ENTREP2: variants seen among roughly 807,000 people sequenced by gnomAD.
The protein encoded by ENTREP2 is endosomal transmembrane epsin interactor 2.
the ENTREP2 span, among the ~76,000 whole-genome samples, chr15:29,346,286 A>T: frequency 2.1e-4 from 32 of 152,144 alleles, no homozygotes; most frequent in East Asian, 6.0e-3. Flanking sequence ...ATGCTCTGAG[A>T]GAGAGGGTTT....
At chr15:29,148,843 C>A in the ENTREP2 span, among the ~76,000 whole-genome samples, 2 of 151,800 alleles carry the variant, frequency 1.3e-5, no homozygotes, top group Middle Eastern at 3.4e-3. Context: ...ACTTGTCAAG[C>A]AATGTGTATG....
At chr15:29,158,498 C>T in the ENTREP2 span, among the ~76,000 whole-genome samples, 5 of 151,116 alleles carry the variant, frequency 3.3e-5, no homozygotes, top group South Asian at 2.1e-4. Flanking sequence ...CTCCACCTCC[C>T]GGGTTCAAGG....
chr15:29,194,129 G>A, the ENTREP2 span, among the ~76,000 whole-genome samples: 2 of 152,176 alleles, frequency 1.3e-5, no homozygotes, highest in Admixed American at 1.3e-4. Context: ...AAATTTATAT[G>A]GAATTACAAA....
At chr15:29,130,254 A>G in the ENTREP2 span, among the ~76,000 whole-genome samples, 1 of 151,910 alleles carries the variant, frequency 6.6e-6, no homozygotes, top group Non-Finnish European at 1.5e-5. Context: ...GGTCCATACT[A>G]TTTTTCTTCC....
At chr15:29,139,048 G>A in the ENTREP2 span, among the ~76,000 whole-genome samples, 32 of 152,248 alleles carry the variant, frequency 2.1e-4, no homozygotes, top group East Asian at 5.8e-4. Flanking sequence ...CTGGAGCTGC[G>A]TGGTAGGAGG....
chr15:29,125,809 G>T, the ENTREP2 span, among the ~76,000 whole-genome samples: 1 of 152,198 alleles, frequency 6.6e-6, no homozygotes, highest in African/African-American at 2.4e-5. Context: ...AGACACAGTC[G>T]CATGGGGCGA....
At chr15:29,621,179 G>T in the ENTREP2 span, among the ~76,000 whole-genome samples, 267 of 151,948 alleles carry the variant, frequency 1.8e-3, 2 homozygotes, top group African/African-American at 5.8e-3. Flanking sequence ...CACAAGGTCA[G>T]GAGATCAAGA....
At chr15:29,233,114 C>A in the ENTREP2 span, among the ~76,000 whole-genome samples, 1 of 152,164 alleles carries the variant, frequency 6.6e-6, no homozygotes, top group Non-Finnish European at 1.5e-5. Flanking sequence ...TTTCATCAGG[C>A]TCTATTCAAG....
At chr15:29,643,794 A>AG in the ENTREP2 span, among the ~76,000 whole-genome samples, 9 of 150,542 alleles carry the variant, frequency 6.0e-5, no homozygotes, top group Admixed American at 6.6e-5. Flanking sequence ...AAAAAAAAAA[A>AG]AAAAGAAAGA....
At chr15:29,599,734 T>C in the ENTREP2 span, among the ~76,000 whole-genome samples, 2 of 152,234 alleles carry the variant, frequency 1.3e-5, no homozygotes, top group African/African-American at 4.8e-5. Context: ...CCATTTACCC[T>C]GCAAGATGAT....
the ENTREP2 span, among the ~76,000 whole-genome samples, chr15:29,414,852 C>G: frequency 6.6e-6 from 1 of 152,150 alleles, no homozygotes; most frequent in Non-Finnish European, 1.5e-5. Flanking sequence ...AAACTACCAT[C>G]AGAGAATACT....
chr15:29,542,042 C>G, the ENTREP2 span, among the ~76,000 whole-genome samples: 35 of 152,294 alleles, frequency 2.3e-4, 1 homozygote, highest in African/African-American at 7.5e-4. Context: ...GAGAGTCTCG[C>G]TCTTTTGCCA....
chr15:29,448,838 A>G, the ENTREP2 span, among the ~76,000 whole-genome samples: 2 of 152,216 alleles, frequency 1.3e-5, no homozygotes, highest in African/African-American at 4.8e-5. Flanking sequence ...ATTTTAAATT[A>G]GTTTTGAAAA....
At chr15:29,220,948 T>C in the ENTREP2 span, among the ~76,000 whole-genome samples, 2 of 152,188 alleles carry the variant, frequency 1.3e-5, no homozygotes, top group Non-Finnish European at 2.9e-5. Flanking sequence ...TGTGAAATAG[T>C]AGATCTGAGT....
chr15:29,493,412 C>T, the ENTREP2 span, among the ~76,000 whole-genome samples: 1 of 151,736 alleles, frequency 6.6e-6, no homozygotes, highest in African/African-American at 2.4e-5. Flanking sequence ...GGATTACAGG[C>T]GTGAGCCACC....
the ENTREP2 span, among the ~76,000 whole-genome samples, chr15:29,571,053 G>A: frequency 6.8e-6 from 1 of 146,636 alleles, no homozygotes; most frequent in African/African-American, 2.5e-5. Context: ...TACCGGGCGC[G>A]AGCCGCTGCC....
At chr15:29,475,145 G>T in the ENTREP2 span, among the ~76,000 whole-genome samples, 1 of 152,082 alleles carries the variant, frequency 6.6e-6, no homozygotes, top group East Asian at 1.9e-4. Flanking sequence ...TGACAAGAAT[G>T]GTCTGTGGGA....
the ENTREP2 span, among the ~76,000 whole-genome samples, chr15:29,667,418 G>C: frequency 1.3e-5 from 2 of 149,638 alleles, no homozygotes; most frequent in African/African-American, 4.9e-5. Context: ...TCAATCTCCT[G>C]ACCTCATGAT....
chr15:29,469,788 A>ATTT, the ENTREP2 span, among the ~76,000 whole-genome samples: 8 of 123,744 alleles, frequency 6.5e-5, no homozygotes, highest in Non-Finnish European at 1.0e-4. Context: ...ATTTTTTTTA[A>ATTT]AAAGCCTCCC....
Sources: gnomAD v4.1 joint callset for allele counts (sites outside exome capture counted in the v4.1 genomes callset) on GRCh38, gnomAD v4.1.1 for gene constraint, MANE v1.5 for transcripts, NCBI Gene and HGNC (gene_info 2026-07-23, HGNC 2026-07-21) for gene names.